PLCD3: variants seen among roughly 807,000 people sequenced by gnomAD.
PLCD3 encodes phospholipase C delta 3.
PLCD3 carries 62 observed loss-of-function variants against 82.8 expected under a neutral mutation model. That is an observed-to-expected ratio of 0.75 (90% CI 0.61 to 0.93). The LOEUF is 0.93. Ranked by LOEUF, PLCD3 falls within the 40% of genes least tolerant of loss-of-function variation. The pLI is 0.00. For synonymous variants in PLCD3, 478 were observed against 471.8 expected (o/e 1.01, Z -0.17); for missense variants, 1,023 against 1,103.4 (o/e 0.93, Z 1.03).
chr17:45,128,038 C>A (rs554810830), intron 1 of PLCD3, among the ~76,000 whole-genome samples: 20 of 152,054 alleles, frequency 1.3e-4, no homozygotes, highest in Non-Finnish European at 2.8e-4. Flanking sequence ...AGAGGACACA[C>A]AATGGCGAGG....
Position 45,115,479 on chromosome 17 carries a change from G to T in PLCD3, c.1425C>A (p.Gly475=). 1 of 1,609,864 alleles carries T rather than the reference G, an allele frequency of 6.2e-7. No individual in the cohort carries two copies. Among genetic ancestry groups the T allele is most frequent in the Non-Finnish European group, 8.5e-7 (1 of 1,178,442 alleles). Residue 475 remains glycine (G), a synonymous_variant, in exon 9 of 15, where the codon GGC becomes GGA. Transcript: ENST00000619929. ...ACTTCTTTCCCTTCACCAGGACCCG[G>T]CCCTTCAGCTGCTGTGGGGGCCAAC... ...EELPSPEQLK[G]RVLVKGKKLP...
chr17:45,124,285 G>A (rs2054364839), intron 1 of PLCD3, among the ~76,000 whole-genome samples: 1 of 152,248 alleles, frequency 6.6e-6, no homozygotes, highest in African/African-American at 2.4e-5. Context: ...CTGAACGCCT[G>A]ACTGGGCCCC....
chr17:45,125,316 T>C (rs2054373198), intron 1 of PLCD3, among the ~76,000 whole-genome samples: 3 of 144,514 alleles, frequency 2.1e-5, no homozygotes, highest in Admixed American at 1.4e-4. Context: ...CATAAAACAT[T>C]AGCTGGGCAT....
intron 1 of PLCD3, among the ~76,000 whole-genome samples, chr17:45,123,769 G>A (rs2054359772): frequency 6.6e-6 from 1 of 152,186 alleles, no homozygotes; most frequent in Non-Finnish European, 1.5e-5. Context: ...TCCTTAAGAG[G>A]CCATGACCCC....
chr17:45,117,708 T>C (rs547979346), intron 7 of PLCD3, among the ~76,000 whole-genome samples: 1 of 152,354 alleles, frequency 6.6e-6, no homozygotes, highest in East Asian at 1.9e-4. Flanking sequence ...TTGGAAGTCA[T>C]GATTAAAATG....
Position 45,132,217 on chromosome 17 carries a change from C to T in PLCD3, c.163+31G>A. The T allele has an allele frequency of 8.0e-7, 1 of 1,252,578 alleles. No individual in the cohort carries two copies. Among genetic ancestry groups the T allele is most frequent in the Non-Finnish European group, 1.0e-6 (1 of 998,006 alleles). The allele number at this position is 1,252,578 out of a possible 1,614,324, so 77.6% of individuals were successfully genotyped here. ...ACTGGGCCTCTGGGAACGGTCCGCG[C>T]CCACCCCACCGCCCCTTGCCCGTCA... On this transcript the variant is annotated intron_variant, in intron 1 of 14. Coordinates refer to ENST00000619929, the MANE Select transcript of PLCD3 (RefSeq NM_133373.5). The surrounding 1 kb of genome is among the most constrained non-coding windows in gnomAD (Gnocchi z 4.6).
Position 45,132,106 on chromosome 17 carries a change from A to C in PLCD3, c.163+142T>G. The C allele has an allele frequency of 1.1e-6, 1 of 927,172 alleles. No homozygotes were observed. Among genetic ancestry groups the C allele is most frequent in the Non-Finnish European group, 1.4e-6 (1 of 711,454 alleles). 57.4% of individuals were successfully genotyped at this position (927,172 alleles called of 1,614,324 possible). On this transcript the variant is annotated intron_variant, in intron 1 of 14. Transcript: ENST00000619929. This position sits in a 1 kb window ranked among gnomAD's most constrained non-coding sequence, Gnocchi z 4.6. ...GACCCCAGGTGCGACCCCCAGCTGG[A>C]GGGAGCTGGCCCTCCGCCCCTAGCC...
chr17:45,124,926 T>G (rs2054369825), intron 1 of PLCD3, among the ~76,000 whole-genome samples: 1 of 152,182 alleles, frequency 6.6e-6, no homozygotes, highest in African/African-American at 2.4e-5. Context: ...CATCAACAGA[T>G]GAGCCTGTAA....
chr17:45,112,637 T>C lies in PLCD3; in HGVS notation c.2349A>G (p.Gln783=). Reference sequence around the variant, plus strand: ...GCCCTCAGGAGCGCTGGATGCGGATTTGGATGAAGAGCGTGGCTGGTGACA... The same window carrying C: ...GCCCTCAGGAGCGCTGGATGCGGATCTGGATGAAGAGCGTGGCTGGTGACA... The part of the protein sequence containing the change: ...ASLSPATLFI[Q]IRIQRS Residue 783 remains glutamine (Q), a synonymous_variant, in exon 15 of 15, where the codon CAA becomes CAG. Transcript: ENST00000619929. The C allele has an allele frequency of 6.2e-7, 1 of 1,605,338 alleles. No individual in the cohort carries two copies. Among genetic ancestry groups the C allele is most frequent in the Non-Finnish European group, 8.5e-7 (1 of 1,176,322 alleles).
chr17:45,121,222 G>A lies in PLCD3; in HGVS notation c.314C>T (p.Ser105Leu), dbSNP rs2054336671. Residue 105 changes from serine (S) to leucine (L), a missense_variant, in exon 2 of 15, where the codon TCG becomes TTG. Ser to Leu is a moderately radical substitution (Grantham distance 145). This residue lies in a region of PLCD3 where 448 missense variants were observed against 406.3 expected (regional missense o/e 1.10). Transcript: ENST00000619929. ...WFQRRIPRAP[S>L]QHIFFVQHIE... Reference sequence around the variant, plus strand: ...CCCCGGCCTCTCACAGATGTGCTGCGATGGCGCACGCGGGATGCGCCGCTG... The same window carrying A: ...CCCCGGCCTCTCACAGATGTGCTGCAATGGCGCACGCGGGATGCGCCGCTG... 2 of 1,588,014 alleles carry A rather than the reference G, an allele frequency of 1.3e-6. No individual in the cohort carries two copies. Among genetic ancestry groups the A allele is most frequent in the Non-Finnish European group, 1.7e-6 (2 of 1,175,232 alleles).
Position 45,112,482 on chromosome 17 carries a change from G to A in PLCD3, c.*134C>T. 1 of 980,206 alleles carries A rather than the reference G, an allele frequency of 1.0e-6. No homozygotes were observed. Among genetic ancestry groups the A allele is most frequent in the Non-Finnish European group, 1.5e-6 (1 of 647,538 alleles). 60.7% of individuals were successfully genotyped at this position (980,206 alleles called of 1,614,324 possible). A position where few individuals can be genotyped will look rare whatever the true frequency, so the allele number is the denominator to read the frequency against. On this transcript the variant is annotated 3_prime_UTR_variant, in exon 15 of 15. Transcript: ENST00000619929. ...AGCACCCAGGTGAGACCAGCGCCTG[G>A]TGAATGGGCTGAGTGGGCCAAGTGG...
Position 45,114,515 on chromosome 17 carries a change from G to C in PLCD3, c.1712-149C>G, listed in dbSNP as rs573101049. 5.1e-6 allele frequency: 3 copies of C among 585,566 alleles called. No individual in the cohort carries two copies. In the East Asian group the frequency reaches 1.0e-4, roughly 20 times the overall value. 36.3% of individuals were successfully genotyped at this position (585,566 alleles called of 1,614,324 possible). On this transcript the variant is annotated intron_variant, in intron 10 of 14. Coordinates refer to ENST00000619929, the MANE Select transcript of PLCD3 (RefSeq NM_133373.5). ...CTCTCTTCTGACCTAGAGTGAGAGG[G>C]GAGCTCACTGAGGAGGCTGCAGGGA...
rs1284283937 is a variant in PLCD3 at position 45,109,526 on chromosome 17, T to G, written c.*3090A>C. ...TGTGTTTAAGACTTCCCATTCCCCCTCTTCTCATCCTCTGGAACTTACCCA... is the reference window on the plus strand; with the variant it reads ...TGTGTTTAAGACTTCCCATTCCCCCGCTTCTCATCCTCTGGAACTTACCCA... On this transcript the variant is annotated 3_prime_UTR_variant, in exon 15 of 15. Coordinates refer to ENST00000619929, the MANE Select transcript of PLCD3 (RefSeq NM_133373.5). The G allele has an allele frequency of 6.6e-6, 1 of 152,046 alleles. No homozygotes were observed. The highest frequency in any genetic ancestry group is 1.5e-5 in the Non-Finnish European group (1 of 68,100). The allele number at this position is 152,046 out of a possible 1,614,324, so 9.4% of individuals were successfully genotyped here. A position where few individuals can be genotyped will look rare whatever the true frequency, so the allele number is the denominator to read the frequency against.
In PLCD3 at chr17:45,123,512, T is replaced by C. The variant is rs548537819; in HGVS notation, c.164-2140A>G. On this transcript the variant is annotated intron_variant, in intron 1 of 14. Coordinates refer to ENST00000619929, the MANE Select transcript of PLCD3 (RefSeq NM_133373.5). ...CGGACAGATGGGGGGACTAAGTGAA[T>C]TCTATCCCCAGCTCTGCCCCATCTG... is the stretch of plus-strand genomic sequence containing the variant. Among the ~76,000 whole-genome samples, 291 of 152,244 alleles carry C rather than the reference T, an allele frequency of 1.9e-3. 1 individual carries two copies. Among genetic ancestry groups the C allele is most frequent in the Non-Finnish European group, 2.9e-3 (196 of 68,000 alleles).
chr17:45,120,531 C>G (rs1285054772), intron 3 of PLCD3, 77 bp from the exon 4 acceptor site: 13 of 1,594,130 alleles, frequency 8.2e-6, no homozygotes, highest in African/African-American at 1.3e-5. Flanking sequence ...AAGTCACCCC[C>G]ACCTGGGTCT....
rs749674846 is a variant in PLCD3, at chr17:45,113,554, C to T, written c.1880G>A (p.Arg627His). The change falls in exon 12 of 15, where the codon CGC (arginine) becomes CAC (histidine). Residue 627 changes from arginine to histidine, a missense_variant. By Grantham distance (29) the Arg-to-His change is conservative (BLOSUM62 0). Transcript: ENST00000619929. ...PGYEMDLNAG[R>H]FLVNGQCGYV... ...GCCACACTGCCCATTGACTAGGAAG[C>T]GCCCGGCATTGAGGTCCATCTCGTA... 18 of 1,561,844 alleles carry T rather than the reference C, an allele frequency of 1.2e-5. No individual in the cohort carries two copies. The highest frequency in any genetic ancestry group is 1.7e-4 in the Middle Eastern group (1 of 6,004).
In PLCD3 at chr17:45,112,381, C is replaced by T; in HGVS notation, c.*235G>A. 6 of 562,300 alleles carry T rather than the reference C, an allele frequency of 1.1e-5. No individual in the cohort carries two copies. The South Asian group carries it at 1.2e-4, about 11-fold the overall frequency. 34.8% of individuals were successfully genotyped at this position (562,300 alleles called of 1,614,324 possible). ...AGGACAAGAGGAGCTGGGGCCATCTCAGGGCCCCAGGGTTGGAGCTCACTG... is the reference window on the plus strand; with the variant it reads ...AGGACAAGAGGAGCTGGGGCCATCTTAGGGCCCCAGGGTTGGAGCTCACTG... On this transcript the variant is annotated 3_prime_UTR_variant, in exon 15 of 15. Coordinates refer to ENST00000619929, the MANE Select transcript of PLCD3 (RefSeq NM_133373.5).
chr17:45,118,963 C>A lies in PLCD3; in HGVS notation c.765G>T (p.Glu255Asp). 6.2e-7 allele frequency: 1 copy of A among 1,612,048 alleles called. No homozygotes were observed. Residue 255 changes from glutamate to aspartate, a missense_variant, in exon 5 of 15, where the codon GAG (glutamate) becomes GAT (aspartate). Glu to Asp is a conservative substitution (Grantham distance 45, BLOSUM62 2). This residue lies in a region of PLCD3 where 448 missense variants were observed against 406.3 expected (regional missense o/e 1.10). Coordinates refer to ENST00000619929, the MANE Select transcript of PLCD3 (RefSeq NM_133373.5). This position sits in a 1 kb window ranked among gnomAD's most constrained non-coding sequence, Gnocchi z 4.1. ...EFLRRLLKRPELEEIFHQYSG... is the reference protein window; with the variant it reads ...EFLRRLLKRPDLEEIFHQYSG... ...AGTACTGATGGAAGATCTCCTCCAGCTCCGGCCGCTTCAGCAGCCGCCGCA... is the reference window on the plus strand; with the variant it reads ...AGTACTGATGGAAGATCTCCTCCAGATCCGGCCGCTTCAGCAGCCGCCGCA...
intron 1 of PLCD3, among the ~76,000 whole-genome samples, chr17:45,131,800 G>T (rs969964465): frequency 6.6e-6 from 1 of 152,222 alleles, no homozygotes; most frequent in East Asian, 1.9e-4. Flanking sequence ...TGGGGCCGCG[G>T]CTTGGAGGGC....
Sources: gnomAD v4.1 joint callset for allele counts (sites outside exome capture counted in the v4.1 genomes callset) on GRCh38, gnomAD v4.1.1 for gene constraint, gnomAD v4.1.1 regional missense constraint, Gnocchi (gnomAD v3.1) non-coding constraint, MANE v1.5 for transcripts, NCBI Gene and HGNC (gene_info 2026-07-23, HGNC 2026-07-21) for gene names.